KIF26B: variants seen among roughly 807,000 people sequenced by gnomAD.
The protein encoded by KIF26B is kinesin family member 26B.
Under a neutral mutation model 151.2 loss-of-function variants are expected in KIF26B, and 63 were observed. The ratio of observed to expected loss-of-function variants is 0.42; its 90% confidence interval spans 0.34 to 0.51. The LOEUF (loss-of-function observed/expected upper bound fraction) is 0.51, where lower values mean the gene tolerates loss of function less well. Ranked by LOEUF, KIF26B falls within the 20% of genes least tolerant of loss-of-function variation. KIF26B has a pLI of 0.07. For synonymous variants in KIF26B, 1,357 were observed against 1,262.1 expected (o/e 1.08, Z -1.59); for missense variants, 2,813 against 2,913.6 (o/e 0.97, Z 0.79).
intron 4 of KIF26B, among the ~76,000 whole-genome samples, chr1:245,509,144 T>A (rs543862089): frequency 3.9e-4 from 59 of 152,310 alleles, no homozygotes; most frequent in South Asian, 2.9e-3. Flanking sequence ...TGGGGACATG[T>A]AATGATGACT....
intron 3 of KIF26B, among the ~76,000 whole-genome samples, chr1:245,381,707 A>G (rs1173665): frequency 0.53 from 80,075 of 151,822 alleles, 21,352 homozygotes; most frequent in Admixed American, 0.58. Flanking sequence ...CTGCAACTCC[A>G]CACCCTTTCA....
chr1:245,356,017 G>C, intron 2 of KIF26B, among the ~76,000 whole-genome samples: 1 of 152,140 alleles, frequency 6.6e-6, no homozygotes, highest in Non-Finnish European at 1.5e-5. Context: ...AGATTCCAGA[G>C]CCCGGCTCCC....
chr1:245,264,762 G>A (rs945398113), intron 2 of KIF26B, among the ~76,000 whole-genome samples: 2 of 146,412 alleles, frequency 1.4e-5, no homozygotes, highest in African/African-American at 2.5e-5. Context: ...GTGTGGTGGC[G>A]GGCTCCTGTA....
chr1:245,284,758 G>C (rs1418385375), intron 2 of KIF26B, among the ~76,000 whole-genome samples: 3 of 152,182 alleles, frequency 2.0e-5, no homozygotes, highest in African/African-American at 7.2e-5. Flanking sequence ...TAATAATTTG[G>C]CCGGGCGCAG....
At chr1:245,490,045 T>G (rs2103073327) in intron 4 of KIF26B, among the ~76,000 whole-genome samples, 1 of 152,316 alleles carries the variant, frequency 6.6e-6, no homozygotes, top group Admixed American at 6.5e-5. Context: ...AAGCCCATAC[T>G]TGTAACCACT....
At chr1:245,215,583 A>G (rs1208732626) in intron 2 of KIF26B, among the ~76,000 whole-genome samples, 1 of 152,142 alleles carries the variant, frequency 6.6e-6, no homozygotes, top group African/African-American at 2.4e-5. Flanking sequence ...CATTCCTTCA[A>G]CATAGATTCA....
intron 12 of KIF26B, among the ~76,000 whole-genome samples, chr1:245,692,259 C>G (rs187118174): frequency 3.8e-4 from 58 of 152,114 alleles, no homozygotes; most frequent in African/African-American, 1.3e-3. Context: ...GACAAGGCCA[C>G]TGTAAGAAGT....
At chr1:245,422,923 AC>A (rs1658524326) in intron 4 of KIF26B, among the ~76,000 whole-genome samples, 1 of 151,800 alleles carries the variant, frequency 6.6e-6, no homozygotes, top group African/African-American at 2.4e-5. Flanking sequence ...ACATGGTGAG[AC>A]CCCGTCTCTA....
At chr1:245,566,863 G>T (rs1267232886) in intron 5 of KIF26B, among the ~76,000 whole-genome samples, 3 of 152,194 alleles carry the variant, frequency 2.0e-5, no homozygotes, top group African/African-American at 7.2e-5. Flanking sequence ...GGAGATGGAG[G>T]TTGCAGAAAG....
rs1304996187 is a variant in KIF26B at position 245,667,924 on chromosome 1, T to G, written c.2259-16309T>G. 6.6e-6 allele frequency among the ~76,000 whole-genome samples: 1 copy of G among 152,188 alleles called. No homozygotes were observed. On this transcript the variant is annotated intron_variant, in intron 10 of 14. Coordinates refer to ENST00000407071, the MANE Select transcript of KIF26B (RefSeq NM_018012.4). This position sits in a 1 kb window ranked among gnomAD's most constrained non-coding sequence, Gnocchi z 4.3. ...TTGTGTTTTTGAGATGGAGTCTCAC[T>G]CTGTCACCCAGGCTGGAGTGCAGTG...
chr1:245,198,636 C>T (rs1263595083), intron 2 of KIF26B, among the ~76,000 whole-genome samples: 4 of 151,230 alleles, frequency 2.6e-5, no homozygotes, highest in Admixed American at 6.6e-5. Context: ...GCAGGAGAAT[C>T]GCTTGAACTT....
chr1:245,585,145 C>T (rs1174925170), intron 5 of KIF26B, among the ~76,000 whole-genome samples: 1 of 152,196 alleles, frequency 6.6e-6, no homozygotes, highest in Non-Finnish European at 1.5e-5. Context: ...TTGTCAGGCC[C>T]TACCCCAGAC....
At chr1:245,653,398 C>T (rs12734836) in intron 10 of KIF26B, among the ~76,000 whole-genome samples, 50,638 of 152,022 alleles carry the variant, frequency 0.33, 9,574 homozygotes, top group Middle Eastern at 0.44. Flanking sequence ...GTAGTTAGCA[C>T]GGTGCATAAA....
chr1:245,662,702 A>G (rs1462433687), intron 10 of KIF26B, among the ~76,000 whole-genome samples: 4 of 32,860 alleles, frequency 1.2e-4, no homozygotes, highest in Non-Finnish European at 2.0e-4. Context: ...ATATATATAA[A>G]CCCAATGATA....
At chr1:245,296,689 C>T (rs888467013) in intron 2 of KIF26B, among the ~76,000 whole-genome samples, 2 of 152,346 alleles carry the variant, frequency 1.3e-5, no homozygotes, top group Non-Finnish European at 2.9e-5. Context: ...CTGGCTTCCA[C>T]GTCCTCGTCT....
intron 4 of KIF26B, among the ~76,000 whole-genome samples, chr1:245,478,845 AC>A (rs1240764020): frequency 6.6e-6 from 1 of 151,784 alleles, no homozygotes; most frequent in African/African-American, 2.4e-5. Context: ...GATGGATCAG[AC>A]CAGGGTGGGA....
chr1:245,290,325 C>G (rs1205439912), intron 2 of KIF26B, among the ~76,000 whole-genome samples: 1 of 152,128 alleles, frequency 6.6e-6, no homozygotes, highest in Non-Finnish European at 1.5e-5. Context: ...GGATCTTATG[C>G]AAGAAAGAAT....
intron 3 of KIF26B, among the ~76,000 whole-genome samples, chr1:245,369,411 G>C (rs1343620595): frequency 6.6e-6 from 1 of 152,246 alleles, no homozygotes; most frequent in East Asian, 1.9e-4. Flanking sequence ...GCGTTTGAGA[G>C]TGTTCATGTC....
chr1:245,595,799 T>A (rs2043331513), intron 5 of KIF26B, among the ~76,000 whole-genome samples: 1 of 152,030 alleles, frequency 6.6e-6, no homozygotes, highest in Non-Finnish European at 1.5e-5. Flanking sequence ...CCTGGGCTTT[T>A]TTTGGTTGGT....
Sources: gnomAD v4.1 joint callset for allele counts (sites outside exome capture counted in the v4.1 genomes callset) on GRCh38, gnomAD v4.1.1 for gene constraint, Gnocchi (gnomAD v3.1) non-coding constraint, MANE v1.5 for transcripts, NCBI Gene and HGNC (gene_info 2026-07-23, HGNC 2026-07-21) for gene names.